TRIM72: variants seen among roughly 807,000 people sequenced by gnomAD.
TRIM72 encodes tripartite motif-containing protein 72.
TRIM72 carries 33 observed loss-of-function variants against 31.6 expected under a neutral mutation model. The observed-to-expected ratio is 1.04, with a 90% CI of 0.79 to 1.40. The LOEUF (loss-of-function observed/expected upper bound fraction) is 1.40. Ranked by LOEUF, TRIM72 falls within the 40% of genes most tolerant of loss-of-function variation. The pLI, the probability that TRIM72 is intolerant of heterozygous loss-of-function variation, is 0.00. For missense variants in TRIM72, 666 were observed against 682.7 expected (o/e 0.98, Z 0.27); for synonymous variants, 301 against 314.4 (o/e 0.96, Z 0.45).
At position 31,215,584 on chromosome 16, in the gene TRIM72, G is replaced by A. The variant is rs1237960822; in HGVS notation, c.390+456G>A. On this transcript the variant is annotated intron_variant, in intron 2 of 6. Coordinates refer to ENST00000322122, the MANE Select transcript of TRIM72 (RefSeq NM_001008274.4). The surrounding 1 kb of genome is among the most constrained non-coding windows in gnomAD (Gnocchi z 6.3). ...CGCGGCGTTCGGGACCGAGCCAGGC[G>A]GCCGGGGCAGGGTTGTCCCCTTGTG... Among the ~76,000 whole-genome samples, 1 of 152,018 alleles carries A rather than the reference G, an allele frequency of 6.6e-6. No individual in the cohort carries two copies. The highest frequency in any genetic ancestry group is 1.5e-5 in the Non-Finnish European group (1 of 67,998).
intron 2 of TRIM72, 110 bp from the exon 3 acceptor site, chr16:31,218,985 T>C: frequency 9.9e-7 from 1 of 1,007,752 alleles, no homozygotes; most frequent in Non-Finnish European, 1.5e-6. Context: ...GGAAGATGGC[T>C]GGAGGAGGAG....
chr16:31,221,625 G>A (rs2079534490), intron 5 of TRIM72, among the ~76,000 whole-genome samples: 2 of 139,040 alleles, frequency 1.4e-5, no homozygotes, highest in East Asian at 2.3e-4. Flanking sequence ...GGCATTGCTG[G>A]GAGAAGGGCA....
In TRIM72 at chr16:31,215,047, G is replaced by A; in HGVS notation, c.309G>A (p.Leu103=). 1 of 1,494,942 alleles carries A rather than the reference G, an allele frequency of 6.7e-7. No homozygotes were observed. The highest frequency in any genetic ancestry group is 8.8e-7 in the Non-Finnish European group (1 of 1,131,202). The allele number at this position is 1,494,942 out of a possible 1,614,324, so 92.6% of individuals were successfully genotyped here. A position where few individuals can be genotyped will look rare whatever the true frequency, so the allele number is the denominator to read the frequency against. Residue 103 remains leucine, a synonymous_variant, in exon 2 of 7, where the codon CTG becomes CTA. Transcript: ENST00000322122. This position sits in a 1 kb window ranked among gnomAD's most constrained non-coding sequence, Gnocchi z 6.3. ...TCTACTGCGAGCAGGACCGCGCGCTGGTGTGCGGAGTGTGCGCCTCACTCG... is the reference window on the plus strand; with the variant it reads ...TCTACTGCGAGCAGGACCGCGCGCTAGTGTGCGGAGTGTGCGCCTCACTCG... ...LSIYCEQDRA[L]VCGVCASLGS... is the part of the protein sequence containing the mutation.
At position 31,219,510 on chromosome 16, in the gene TRIM72, G is replaced by C; in HGVS notation, c.708G>C (p.Glu236Asp). Residue 236 changes from glutamate (E) to aspartate (D), a missense_variant, in exon 4 of 7, where the codon GAG becomes GAC. Coordinates refer to ENST00000322122, the MANE Select transcript of TRIM72 (RefSeq NM_001008274.4). This position sits in a 1 kb window ranked among gnomAD's most constrained non-coding sequence, Gnocchi z 4.2. ...LEEVADKPQTEFLMKYCLVTS... is the reference protein window; with the variant it reads ...LEEVADKPQTDFLMKYCLVTS... ...AGGTGGCGGACAAGCCGCAGACTGA[G>C]TTCCTCATGGTGAGCACTGGGTGAC... 6.2e-7 allele frequency: 1 copy of C among 1,611,666 alleles called. No individual in the cohort carries two copies. The highest frequency in any genetic ancestry group is 8.5e-7 in the Non-Finnish European group (1 of 1,179,130).
rs1567496548 is a variant in TRIM72, at chr16:31,225,189, T to TA, written c.*434_*435insA. ...TGGGTGACAAGAGTGAGACTCTGTCTCAAAAAAAAAAAAAAGTGTGGGGGT... is the reference window on the plus strand; with the variant it reads ...TGGGTGACAAGAGTGAGACTCTGTCTACAAAAAAAAAAAAAAGTGTGGGGGT... On this transcript the variant is annotated 3_prime_UTR_variant, in exon 7 of 7. Coordinates refer to ENST00000322122, the MANE Select transcript of TRIM72 (RefSeq NM_001008274.4). 2 of 145,350 alleles carry TA rather than the reference T, an allele frequency of 1.4e-5. No homozygotes were observed. The highest frequency in any genetic ancestry group is 5.2e-5 in the African/African-American group (2 of 38,570). 9.0% of individuals were successfully genotyped at this position (145,350 alleles called of 1,614,324 possible). A position where few individuals can be genotyped will look rare whatever the true frequency, so the allele number is the denominator to read the frequency against.
rs1319325676 is a variant in TRIM72 at position 31,215,462 on chromosome 16, G to C, written c.390+334G>C. 6.6e-6 allele frequency among the ~76,000 whole-genome samples: 1 copy of C among 152,144 alleles called. No individual in the cohort carries two copies. Among genetic ancestry groups the C allele is most frequent in the Non-Finnish European group, 1.5e-5 (1 of 68,014 alleles). ...GCCGGGCGGAGCCAGGCGGAGCAGGGACTGACCAGCCCCTGCGGCCCACGC... is the reference window on the plus strand; with the variant it reads ...GCCGGGCGGAGCCAGGCGGAGCAGGCACTGACCAGCCCCTGCGGCCCACGC... On this transcript the variant is annotated intron_variant, in intron 2 of 6. Transcript: ENST00000322122. This position sits in a 1 kb window ranked among gnomAD's most constrained non-coding sequence, Gnocchi z 6.3.
At position 31,222,848 on chromosome 16, in the gene TRIM72, G is replaced by T. The variant is rs368945748; in HGVS notation, c.762G>T (p.Glu254Asp). 6.6e-7 allele frequency: 1 copy of T among 1,509,996 alleles called. No individual in the cohort carries two copies. Among genetic ancestry groups the T allele is most frequent in the Middle Eastern group, 1.7e-4 (1 of 5,716 alleles). 93.5% of individuals were successfully genotyped at this position (1,509,996 alleles called of 1,614,324 possible). A position where few individuals can be genotyped will look rare whatever the true frequency, so the allele number is the denominator to read the frequency against. ...CCAGGCTGCAGAAGATCCTGGCAGA[G>T]TCTCCCCCACCCGCCCGTCTGGACA... is the stretch of plus-strand genomic sequence containing the variant. ...VTSRLQKILA[E>D]SPPPARLDIQ... The change falls in exon 6 of 7, where the codon GAG becomes GAT. Residue 254 changes from glutamate (E) to aspartate (D), a missense_variant. Coordinates refer to ENST00000322122, the MANE Select transcript of TRIM72 (RefSeq NM_001008274.4).
intron 2 of TRIM72, among the ~76,000 whole-genome samples, chr16:31,217,615 A>ATTT (rs536702762): frequency 3.6e-5 from 5 of 137,240 alleles, no homozygotes; most frequent in Admixed American, 2.2e-4. Context: ...TGCAGGGGAC[A>ATTT]TTTTTTTTTT....
chr16:31,215,153 TCGGAGGGGCTGTTCGGTGGCA>T lies in TRIM72; in HGVS notation c.390+29_390+49del. 1 of 1,428,250 alleles carries T rather than the reference TCGGAGGGGCTGTTCGGTGGCA, an allele frequency of 7.0e-7. No individual in the cohort carries two copies. Among genetic ancestry groups the T allele is most frequent in the Non-Finnish European group, 9.1e-7 (1 of 1,099,922 alleles). 88.5% of individuals were successfully genotyped at this position (1,428,250 alleles called of 1,614,324 possible). ...GGTGCGGGATCCGCGCGCATCGTGG[TCGGAGGGGCTGTTCGGTGGCA>T]CGGGGCCGATGGGGAGGTCGCTGCA... On this transcript the variant is annotated intron_variant, in intron 2 of 6. Coordinates refer to ENST00000322122, the MANE Select transcript of TRIM72 (RefSeq NM_001008274.4). This position sits in a 1 kb window ranked among gnomAD's most constrained non-coding sequence, Gnocchi z 6.3.
At position 31,214,898 on chromosome 16, in the gene TRIM72, C is replaced by T; in HGVS notation, c.160C>T (p.Pro54Ser). The T allele has an allele frequency of 1.3e-6, 2 of 1,521,706 alleles. No individual in the cohort carries two copies. Among genetic ancestry groups the T allele is most frequent in the Non-Finnish European group, 1.8e-6 (2 of 1,142,086 alleles). 94.3% of individuals were successfully genotyped at this position (1,521,706 alleles called of 1,614,324 possible). ...EPAADGTVLC[P>S]CCQAPTRPQA... Reference sequence around the variant, plus strand: ...GGCGGCGGATGGCACCGTTCTCTGCCCCTGCTGCCAGGCCCCCACGCGGCC... The same window carrying T: ...GGCGGCGGATGGCACCGTTCTCTGCTCCTGCTGCCAGGCCCCCACGCGGCC... Residue 54 changes from proline (P) to serine (S), a missense_variant, in exon 2 of 7, where the codon CCC (proline) becomes TCC (serine). Physicochemically the swap from Pro to Ser is moderately conservative, Grantham distance 74 (BLOSUM62 -1). Coordinates refer to ENST00000322122, the MANE Select transcript of TRIM72 (RefSeq NM_001008274.4).
intron 5 of TRIM72, among the ~76,000 whole-genome samples, chr16:31,222,298 CAGG>C (rs1430597884): frequency 6.6e-6 from 1 of 150,560 alleles, no homozygotes; most frequent in Non-Finnish European, 1.5e-5. Flanking sequence ...TTGGCTGAGG[CAGG>C]AGAATTGCTT....
At chr16:31,222,761 C>G (rs1291289976) in intron 5 of TRIM72, 66 bp from the exon 6 acceptor site, 15 of 788,356 alleles carry the variant, frequency 1.9e-5, no homozygotes, top group Non-Finnish European at 3.0e-5. Flanking sequence ...TGGGGAGATC[C>G]TGGAATCCCC....
At chr16:31,220,456 GTTTTTTTTTTTTT>G (rs71151452) in intron 4 of TRIM72, among the ~76,000 whole-genome samples, 11 of 29,582 alleles carry the variant, frequency 3.7e-4, no homozygotes, top group Admixed American at 1.3e-3. Flanking sequence ...TCTCTTTTGC[GTTTTTTTTTTTTT>G]TTTTTTTTTT....
Position 31,222,902 on chromosome 16 carries a change from C to T in TRIM72, c.816C>T (p.Phe272=). The T allele has an allele frequency of 6.4e-7, 1 of 1,554,512 alleles. No homozygotes were observed. The highest frequency in any genetic ancestry group is 1.2e-5 in the South Asian group (1 of 84,330). The change falls in exon 6 of 7, where the codon TTC becomes TTT. Residue 272 remains phenylalanine, a synonymous_variant. Coordinates refer to ENST00000322122, the MANE Select transcript of TRIM72 (RefSeq NM_001008274.4). ...AGCTGCCAATTATCTCAGATGACTT[C>T]AAATTCCAGGTGTGGAGGAAGATGT... ...DIQLPIISDD[F]KFQVWRKMFR... is the part of the protein sequence containing the mutation.
rs2079558543 is a variant in TRIM72 at position 31,227,565 on chromosome 16, C to CAACT, written c.*2811_*2812insACTA. The CAACT allele has an allele frequency of 6.6e-6, 1 of 151,984 alleles. No individual in the cohort carries two copies. The allele number at this position is 151,984 out of a possible 1,614,324, so 9.4% of individuals were successfully genotyped here. ...AACTCCTGACCTCAGGTGATCCACC[C>CAACT]ATTTTGGCCTCCCAAAGTGCTGGGA... On this transcript the variant is annotated 3_prime_UTR_variant, in exon 7 of 7. Transcript: ENST00000322122.
Position 31,215,291 on chromosome 16 carries a change from G to A in TRIM72, c.390+163G>A, listed in dbSNP as rs1360500265. ...GCGAAGCAGCCAGGAAAGAGGGTCTGAGGAGCTTAAGGCGGGGCTGGCAGA... is the reference window on the plus strand; with the variant it reads ...GCGAAGCAGCCAGGAAAGAGGGTCTAAGGAGCTTAAGGCGGGGCTGGCAGA... On this transcript the variant is annotated intron_variant, in intron 2 of 6. Coordinates refer to ENST00000322122, the MANE Select transcript of TRIM72 (RefSeq NM_001008274.4). The surrounding 1 kb of genome is among the most constrained non-coding windows in gnomAD (Gnocchi z 6.3). 6.6e-6 allele frequency among the ~76,000 whole-genome samples: 1 copy of A among 152,236 alleles called. No homozygotes were observed. Among genetic ancestry groups the A allele is most frequent in the Non-Finnish European group, 1.5e-5 (1 of 68,036 alleles).
rs1422549062 is a variant in TRIM72, at chr16:31,228,250, C to G, written c.*3495C>G. 1 of 152,150 alleles carries G rather than the reference C, an allele frequency of 6.6e-6. No individual in the cohort carries two copies. The highest frequency in any genetic ancestry group is 1.5e-5 in the Non-Finnish European group (1 of 68,038). 9.4% of individuals were successfully genotyped at this position (152,150 alleles called of 1,614,324 possible). On this transcript the variant is annotated 3_prime_UTR_variant, in exon 7 of 7. Transcript: ENST00000322122. Reference sequence around the variant, plus strand: ...CAGGCTTGAACCGCCGCGCCCAGCCCCAGCTTCATCTTAAAAAGAAAAGTT... The same window carrying G: ...CAGGCTTGAACCGCCGCGCCCAGCCGCAGCTTCATCTTAAAAAGAAAAGTT...
rs115885262 is a variant in TRIM72, at chr16:31,219,376, C to A, written c.574C>A (p.Arg192Ser). 2.7e-5 allele frequency: 43 copies of A among 1,613,964 alleles called. No individual in the cohort carries two copies. Among genetic ancestry groups the A allele is most frequent in the African/African-American group, 4.0e-5 (3 of 74,914 alleles). The change falls in exon 4 of 7, where the codon CGC (arginine) becomes AGC (serine). Residue 192 changes from arginine (R) to serine (S), a missense_variant. Coordinates refer to ENST00000322122, the MANE Select transcript of TRIM72 (RefSeq NM_001008274.4). The surrounding 1 kb of genome is among the most constrained non-coding windows in gnomAD (Gnocchi z 4.2). ...FLAALEGSLD[R>S]EAERVRGEAG... ...GGCTGCACTGGAGGGCTCCTTGGAC[C>A]GCGAGGCAGAGCGTGTACGGGGTGA...
In TRIM72 at chr16:31,224,815, T is replaced by A; in HGVS notation, c.*60T>A. The A allele has an allele frequency of 7.1e-7, 1 of 1,402,290 alleles. No individual in the cohort carries two copies. The highest frequency in any genetic ancestry group is 9.3e-7 in the Non-Finnish European group (1 of 1,080,854). The allele number at this position is 1,402,290 out of a possible 1,614,324, so 86.9% of individuals were successfully genotyped here. A position where few individuals can be genotyped will look rare whatever the true frequency, so the allele number is the denominator to read the frequency against. On this transcript the variant is annotated 3_prime_UTR_variant, in exon 7 of 7. Transcript: ENST00000322122. ...TGGGTTGAAGCTTAGGTCTCCTTGGTCGGGTCTGACGGGAGAAGGGTGGGG... is the reference window on the plus strand; with the variant it reads ...TGGGTTGAAGCTTAGGTCTCCTTGGACGGGTCTGACGGGAGAAGGGTGGGG...
Sources: gnomAD v4.1 joint callset for allele counts (sites outside exome capture counted in the v4.1 genomes callset) on GRCh38, gnomAD v4.1.1 for gene constraint, Gnocchi (gnomAD v3.1) non-coding constraint, MANE v1.5 for transcripts, NCBI Gene and HGNC (gene_info 2026-07-23, HGNC 2026-07-21) for gene names.